Variants in ENTREP2 observed in about 807,000 individuals in gnomAD.
ENTREP2 encodes the protein protein ENTREP2.
the ENTREP2 span, among the ~76,000 whole-genome samples, chr15:29,559,674 C>T: frequency 3.3e-5 from 5 of 152,240 alleles, no homozygotes; most frequent in East Asian, 7.8e-4. Context: ...CCAGTCACTG[C>T]GTTCATCATC....
chr15:29,377,592 G>C, the ENTREP2 span, among the ~76,000 whole-genome samples: 7 of 152,000 alleles, frequency 4.6e-5, no homozygotes, highest in African/African-American at 1.5e-4. Context: ...GGGAGGCCAA[G>C]GTGGGCGGAT....
At chr15:29,404,558 T>C in the ENTREP2 span, among the ~76,000 whole-genome samples, 2 of 151,838 alleles carry the variant, frequency 1.3e-5, no homozygotes, top group East Asian at 3.9e-4. Flanking sequence ...GCCCCCTTGC[T>C]TCCTCCCCCA....
At chr15:29,654,464 C>T in the ENTREP2 span, among the ~76,000 whole-genome samples, 1 of 152,112 alleles carries the variant, frequency 6.6e-6, no homozygotes, top group South Asian at 2.1e-4. Flanking sequence ...CATATAAAAG[C>T]TGTACTGAAT....
chr15:29,142,469 G>T, the ENTREP2 span, among the ~76,000 whole-genome samples: 7 of 152,224 alleles, frequency 4.6e-5, no homozygotes, highest in Non-Finnish European at 1.0e-4. Context: ...GGACCTCAAG[G>T]TTACTGTGGG....
chr15:29,279,305 G>C, the ENTREP2 span, among the ~76,000 whole-genome samples: 1 of 151,884 alleles, frequency 6.6e-6, no homozygotes, highest in Non-Finnish European at 1.5e-5. Context: ...GGCTATTCTG[G>C]GTCCCTTCCA....
the ENTREP2 span, among the ~76,000 whole-genome samples, chr15:29,588,507 A>G: frequency 1.7e-5 from 2 of 115,462 alleles, no homozygotes; most frequent in Admixed American, 9.4e-5. Context: ...AGAGAGAGAG[A>G]GGGAGGGAGG....
the ENTREP2 span, among the ~76,000 whole-genome samples, chr15:29,523,561 ATTTTTTTTTTT>A: frequency 9.5e-3 from 749 of 78,532 alleles, 6 homozygotes; most frequent in African/African-American, 0.037. Flanking sequence ...TCCCAGCTAG[ATTTTTTTTTTT>A]TTTTTTTTTT....
At chr15:29,510,700 A>G in the ENTREP2 span, among the ~76,000 whole-genome samples, 54 of 151,924 alleles carry the variant, frequency 3.6e-4, no homozygotes, top group East Asian at 0.01. Flanking sequence ...CCAGCTACTC[A>G]GGAGGCTGAG....
the ENTREP2 span, among the ~76,000 whole-genome samples, chr15:29,318,212 T>C: frequency 6.6e-6 from 1 of 152,276 alleles, no homozygotes. Flanking sequence ...CCCTGCAAGG[T>C]GCAAGTCTAT....
At chr15:29,166,899 C>T in the ENTREP2 span, among the ~76,000 whole-genome samples, 5 of 152,244 alleles carry the variant, frequency 3.3e-5, no homozygotes, top group East Asian at 1.9e-4. Flanking sequence ...CTGGAGGCAT[C>T]GCACTACCTG....
chr15:29,549,651 C>G, the ENTREP2 span, among the ~76,000 whole-genome samples: 1 of 152,182 alleles, frequency 6.6e-6, no homozygotes, highest in Non-Finnish European at 1.5e-5. Flanking sequence ...GCCAGGAGCT[C>G]AATATCACCT....
chr15:29,643,798 A>AAG, the ENTREP2 span, among the ~76,000 whole-genome samples: 1 of 151,208 alleles, frequency 6.6e-6, no homozygotes, highest in South Asian at 2.1e-4. Context: ...AAAAAAAAAA[A>AAG]GAAAGAAAGA....
At chr15:29,366,892 G>A in the ENTREP2 span, among the ~76,000 whole-genome samples, 1 of 152,138 alleles carries the variant, frequency 6.6e-6, no homozygotes, top group Non-Finnish European at 1.5e-5. Flanking sequence ...TCCTATTTTA[G>A]GACAGCAAGG....
At chr15:29,147,478 G>A in the ENTREP2 span, among the ~76,000 whole-genome samples, 1 of 150,866 alleles carries the variant, frequency 6.6e-6, no homozygotes, top group African/African-American at 2.4e-5. Context: ...AAGATCATAA[G>A]TGTTGGCGTG....
At chr15:29,543,772 C>T in the ENTREP2 span, among the ~76,000 whole-genome samples, 2 of 147,976 alleles carry the variant, frequency 1.4e-5, no homozygotes, top group African/African-American at 2.6e-5. Flanking sequence ...GAGCAAGACT[C>T]TATCTCAAAA....
At chr15:29,517,152 G>A in the ENTREP2 span, among the ~76,000 whole-genome samples, 15 of 152,162 alleles carry the variant, frequency 9.9e-5, no homozygotes, top group South Asian at 1.0e-3. Flanking sequence ...CACAGGAAGC[G>A]GGGGAGCAGC....
chr15:29,614,429 T>C, the ENTREP2 span, among the ~76,000 whole-genome samples: 1 of 152,118 alleles, frequency 6.6e-6, no homozygotes, highest in Non-Finnish European at 1.5e-5. Context: ...TTTGCTGCCT[T>C]TACCTTGTTT....
the ENTREP2 span, chr15:29,269,698 T>C: frequency 6.5e-7 from 1 of 1,544,176 alleles, no homozygotes; most frequent in East Asian, 2.6e-5. Context: ...CCTCGGTTTT[T>C]GCAACATGTC....
chr15:29,152,897 T>C, the ENTREP2 span, among the ~76,000 whole-genome samples: 1 of 152,220 alleles, frequency 6.6e-6, no homozygotes, highest in South Asian at 2.1e-4. Flanking sequence ...CAATTTTTAA[T>C]TCCCACCAGC....
Sources: allele counts gnomAD v4.1 joint callset (sites outside exome capture counted in the v4.1 genomes callset), GRCh38; gene constraint gnomAD v4.1.1; transcripts MANE v1.5; gene names NCBI Gene and HGNC (gene_info 2026-07-23, HGNC 2026-07-21).